Variants in ARHGAP10 observed in about 807,000 individuals in gnomAD.
ARHGAP10 encodes the protein Rho GTPase activating protein 10.
Under a neutral mutation model 108.6 loss-of-function variants are expected in ARHGAP10, and 87 were observed. The ratio of observed to expected loss-of-function variants is 0.80; its 90% confidence interval spans 0.67 to 0.96. The LOEUF is 0.96. Ranked by LOEUF, ARHGAP10 falls within the 40% of genes least tolerant of loss-of-function variation. The probability of loss-of-function intolerance (pLI) is 0.00; values close to 1 mark genes in which losing one functional copy is unlikely to be tolerated. For missense variants in ARHGAP10, 939 were observed against 954.5 expected, an observed-to-expected ratio of 0.98 and a Z score of 0.21; for synonymous variants, 347 against 341.1, an observed-to-expected ratio of 1.02 and a Z score of -0.19.
Position 147,896,478 on chromosome 4 carries a change from A to T in ARHGAP10, c.1035-10160A>T, listed in dbSNP as rs561936546. 1.2e-4 allele frequency among the ~76,000 whole-genome samples: 18 copies of T among 152,192 alleles called. 1 individual carries two copies. Among genetic ancestry groups the T allele is most frequent in the African/African-American group, 4.3e-4 (18 of 41,548 alleles). On this transcript the variant is annotated intron_variant, in intron 10 of 22. Transcript: ENST00000336498. ...CTAAATTGTTGACTTTATTGGCATA[A>T]ATGTCATATCTACTTGTTCCTTTCA... is the stretch of plus-strand genomic sequence containing the variant.
At chr4:147,865,133 A>C (rs1167315121) in intron 6 of ARHGAP10, 177 bp downstream of exon 6, 3 of 576,728 alleles carry the variant, frequency 5.2e-6, no homozygotes, top group Non-Finnish European at 9.2e-6. Flanking sequence ...CCTCTAAATC[A>C]GTGGTTCTCA....
At chr4:147,755,891 T>C (rs963305508) in intron 1 of ARHGAP10, among the ~76,000 whole-genome samples, 2 of 152,054 alleles carry the variant, frequency 1.3e-5, no homozygotes, top group East Asian at 3.9e-4. Context: ...CACATATGTG[T>C]TGAGGAGCAA....
At chr4:148,071,383 A>G (rs1730169120) in intron 22 of ARHGAP10, among the ~76,000 whole-genome samples, 1 of 152,234 alleles carries the variant, frequency 6.6e-6, no homozygotes, top group Admixed American at 6.5e-5. Context: ...TGGGGGGCCA[A>G]GGCGAGTGGA....
intron 19 of ARHGAP10, among the ~76,000 whole-genome samples, chr4:148,034,868 T>C (rs1035365429): frequency 2.8e-4 from 43 of 152,330 alleles, no homozygotes; most frequent in East Asian, 1.7e-3. Context: ...ATGGCTGTTA[T>C]ATTTTTTGTT....
chr4:147,941,323 C>T (rs189012867), intron 14 of ARHGAP10, among the ~76,000 whole-genome samples: 11 of 152,262 alleles, frequency 7.2e-5, no homozygotes, highest in African/African-American at 2.6e-4. Context: ...TAAGCTGTCT[C>T]AAAATTTGTT....
intron 1 of ARHGAP10, among the ~76,000 whole-genome samples, chr4:147,746,642 A>G (rs551337596): frequency 6.6e-6 from 1 of 151,696 alleles, no homozygotes; most frequent in South Asian, 2.1e-4. Flanking sequence ...CGCCCACCTC[A>G]GCTTCCCAAA....
At chr4:147,778,812 G>A (rs750533334) in intron 1 of ARHGAP10, among the ~76,000 whole-genome samples, 12 of 152,112 alleles carry the variant, frequency 7.9e-5, no homozygotes, top group Non-Finnish European at 1.6e-4. Flanking sequence ...TGAGTGAGTG[G>A]TACAGGGAAT....
intron 13 of ARHGAP10, among the ~76,000 whole-genome samples, chr4:147,936,453 C>T (rs538813747): frequency 2.6e-4 from 40 of 151,356 alleles, no homozygotes; most frequent in African/African-American, 8.5e-4. Context: ...CTCAGCCTCC[C>T]GAGTAGCTGG....
At chr4:148,049,050 C>T (rs73853711) in intron 20 of ARHGAP10, among the ~76,000 whole-genome samples, 9,848 of 150,762 alleles carry the variant, frequency 0.065, 1,069 homozygotes, top group African/African-American at 0.22. Flanking sequence ...CTATGTTTCT[C>T]TGAAGTATAT....
At chr4:147,940,183 T>C (rs989194803) in intron 14 of ARHGAP10, among the ~76,000 whole-genome samples, 3 of 152,218 alleles carry the variant, frequency 2.0e-5, no homozygotes, top group African/African-American at 7.2e-5. Context: ...GTCAGGCCTC[T>C]ATGATTTGCG....
chr4:147,798,326 A>G (rs146004459), intron 1 of ARHGAP10, among the ~76,000 whole-genome samples: 103 of 152,054 alleles, frequency 6.8e-4, no homozygotes, highest in African/African-American at 2.4e-3. Context: ...TATTATTTGT[A>G]TTTTTGTTTT....
At chr4:147,775,224 A>G (rs1182141704) in intron 1 of ARHGAP10, among the ~76,000 whole-genome samples, 6 of 152,110 alleles carry the variant, frequency 3.9e-5, no homozygotes, top group Non-Finnish European at 1.5e-5. Flanking sequence ...ATGGTCATTA[A>G]GTGCCCTCAG....
chr4:147,996,766 T>C (rs1740493611), intron 18 of ARHGAP10, among the ~76,000 whole-genome samples: 1 of 152,166 alleles, frequency 6.6e-6, no homozygotes, highest in Admixed American at 6.5e-5. Flanking sequence ...TTGAAGGAAG[T>C]AATCAGGTGA....
intron 12 of ARHGAP10, among the ~76,000 whole-genome samples, chr4:147,910,554 A>G (rs1736690032): frequency 6.6e-6 from 1 of 152,146 alleles, no homozygotes; most frequent in Non-Finnish European, 1.5e-5. Context: ...CAGATAGTTT[A>G]TCAGTGCACC....
chr4:148,028,969 A>C (rs1728003437), intron 19 of ARHGAP10, among the ~76,000 whole-genome samples: 1 of 152,254 alleles, frequency 6.6e-6, no homozygotes, highest in Non-Finnish European at 1.5e-5. Context: ...TGCAGCTTAA[A>C]AACAGACCAT....
At chr4:147,804,148 T>A (rs748133216) in intron 1 of ARHGAP10, among the ~76,000 whole-genome samples, 2 of 152,114 alleles carry the variant, frequency 1.3e-5, no homozygotes, top group Middle Eastern at 3.2e-3. Flanking sequence ...ATCCTCACCC[T>A]CCTCCTACCC....
At chr4:147,980,211 A>G (rs1350628658) in intron 18 of ARHGAP10, among the ~76,000 whole-genome samples, 3 of 152,036 alleles carry the variant, frequency 2.0e-5, no homozygotes, top group South Asian at 4.1e-4. Flanking sequence ...TCTTCTTTCA[A>G]TGCCTAGTTT....
At chr4:147,930,977 C>A (rs1737654489) in intron 13 of ARHGAP10, among the ~76,000 whole-genome samples, 1 of 152,342 alleles carries the variant, frequency 6.6e-6, no homozygotes. Context: ...TCAGTAGTTC[C>A]ATGCAGGTGT....
At chr4:148,051,740 C>G (rs1006730721) in intron 20 of ARHGAP10, among the ~76,000 whole-genome samples, 1 of 152,182 alleles carries the variant, frequency 6.6e-6, no homozygotes, top group East Asian at 1.9e-4. Flanking sequence ...CTCAAGCTGT[C>G]GTTGTGCCAC....
Sources: allele counts gnomAD v4.1 joint callset (sites outside exome capture counted in the v4.1 genomes callset), GRCh38; gene constraint gnomAD v4.1.1; transcripts MANE v1.5; gene names NCBI Gene and HGNC (gene_info 2026-07-23, HGNC 2026-07-21).